C16orf96: variants seen among roughly 807,000 people sequenced by gnomAD.
C16orf96 encodes the protein chromosome 16 open reading frame 96, also known as uncharacterized protein C16orf96.
Under a neutral mutation model 103.6 loss-of-function variants are expected in C16orf96, and 108 were observed. The observed-to-expected ratio is 1.04, with a 90% CI of 0.89 to 1.22. The LOEUF (loss-of-function observed/expected upper bound fraction) is 1.22. C16orf96 is among the 50% of genes most tolerant of loss of function. C16orf96 has a pLI of 0.00. For synonymous variants in C16orf96, 566 were observed against 593.5 expected (o/e 0.95, Z 0.67); for missense variants, 1,586 against 1,464.2 (o/e 1.08, Z -1.36).
At chr16:4,567,433 G>A (rs1391644634) in intron 1 of C16orf96, among the ~76,000 whole-genome samples, 5 of 150,042 alleles carry the variant, frequency 3.3e-5, no homozygotes, top group East Asian at 2.0e-4. Flanking sequence ...ACACGTGCCC[G>A]CCACCACGCC....
At position 4,593,385 on chromosome 16, in the gene C16orf96, G is replaced by C; in HGVS notation, c.2867+69G>C. ...GGCCACTCTGGAGCCTGGGAACCCT[G>C]TTCCTGCAGAGACACATCCTCCAGG... is the stretch of plus-strand genomic sequence containing the variant. On this transcript the variant is annotated intron_variant, in intron 12 of 15. Coordinates refer to ENST00000444310, the MANE Select transcript of C16orf96 (RefSeq NM_001145011.2). The surrounding 1 kb of genome is among the most constrained non-coding windows in gnomAD (Gnocchi z 4.2). The C allele has an allele frequency of 1.4e-6, 2 of 1,412,306 alleles. No individual in the cohort carries two copies. Among genetic ancestry groups the C allele is most frequent in the Non-Finnish European group, 1.9e-6 (2 of 1,030,460 alleles). The allele number at this position is 1,412,306 out of a possible 1,614,324, so 87.5% of individuals were successfully genotyped here.
At chr16:4,549,203 G>T in the C16orf96 span, among the ~76,000 whole-genome samples, 1 of 152,048 alleles carries the variant, frequency 6.6e-6, no homozygotes, top group African/African-American at 2.4e-5. Flanking sequence ...GGCCGGGCGC[G>T]GTGGCTCACG....
the C16orf96 span, among the ~76,000 whole-genome samples, chr16:4,541,726 G>A: frequency 1.3e-5 from 2 of 152,306 alleles, no homozygotes; most frequent in South Asian, 2.1e-4. Context: ...ATTCCTCAGT[G>A]CAAGAAGGTG....
chr16:4,548,592 G>T, the C16orf96 span, among the ~76,000 whole-genome samples: 1 of 152,224 alleles, frequency 6.6e-6, no homozygotes, highest in Admixed American at 6.5e-5. Context: ...CAGGAGCTCA[G>T]CTGGGCGTGG....
chr16:4,555,847 C>T (rs2059258097), upstream of C16orf96, among the ~76,000 whole-genome samples: 1 of 151,752 alleles, frequency 6.6e-6, no homozygotes, highest in Non-Finnish European at 1.5e-5. Context: ...CAGATGTGCG[C>T]CAGCACATCC....
At chr16:4,598,138 G>A (rs1266741774) in intron 14 of C16orf96, among the ~76,000 whole-genome samples, 1 of 152,120 alleles carries the variant, frequency 6.6e-6, no homozygotes, top group Non-Finnish European at 1.5e-5. Context: ...GATCACTTGA[G>A]CCCAGAAGTT....
chr16:4,580,012 T>G lies in C16orf96; in HGVS notation c.2242-3T>G. 1 of 1,549,744 alleles carries G rather than the reference T, an allele frequency of 6.5e-7. No individual in the cohort carries two copies. The highest frequency in any genetic ancestry group is 1.2e-5 in the South Asian group (1 of 84,014). Reference sequence around the variant, plus strand: ...CTGGGGTGTCTGTGTCTCCCCCTTTTAGGAGGAAGAACTTGAGAGAATTTG... The same window carrying G: ...CTGGGGTGTCTGTGTCTCCCCCTTTGAGGAGGAAGAACTTGAGAGAATTTG... On this transcript the variant is annotated splice_region_variant and splice_polypyrimidine_tract_variant and intron_variant, in intron 6 of 15. Coordinates refer to ENST00000444310, the MANE Select transcript of C16orf96 (RefSeq NM_001145011.2).
intron 1 of C16orf96, chr16:4,563,045 G>T: frequency 1.1e-6 from 1 of 896,932 alleles, no homozygotes; most frequent in Non-Finnish European, 1.8e-6. Flanking sequence ...GTCAGAAGAT[G>T]ACAGAGCTCT....
intron 10 of C16orf96, 135 bp downstream of exon 10, chr16:4,591,919 C>T: frequency 1.3e-6 from 1 of 743,356 alleles, no homozygotes; most frequent in Non-Finnish European, 2.3e-6. Flanking sequence ...GCTGAAAGCA[C>T]TGAGGAGGAG....
intron 14 of C16orf96, among the ~76,000 whole-genome samples, chr16:4,598,308 G>A (rs993417390): frequency 1.3e-5 from 2 of 151,964 alleles, no homozygotes; most frequent in Non-Finnish European, 1.5e-5. Context: ...CCATGATTGC[G>A]CCACTGCACT....
intron 1 of C16orf96, among the ~76,000 whole-genome samples, chr16:4,565,409 A>G (rs2141701676): frequency 6.6e-6 from 1 of 152,354 alleles, no homozygotes; most frequent in African/African-American, 2.4e-5. Context: ...CATGTGAGAC[A>G]GCAGGTGGGT....
intron 11 of C16orf96, 138 bp downstream of exon 11, chr16:4,592,505 C>A: frequency 2.0e-6 from 2 of 983,256 alleles, no homozygotes; most frequent in Non-Finnish European, 3.1e-6. Flanking sequence ...CTCCAGCCAT[C>A]AAGTCCATAC....
At chr16:4,554,357 C>CTT (rs879445516), upstream of C16orf96, among the ~76,000 whole-genome samples, 1 of 145,782 alleles carries the variant, frequency 6.9e-6, no homozygotes. Flanking sequence ...TTTTCTTTTT[C>CTT]TTTTTTTTTT....
chr16:4,582,438 G>A (rs1237964166), intron 7 of C16orf96, among the ~76,000 whole-genome samples: 1 of 152,146 alleles, frequency 6.6e-6, no homozygotes, highest in Non-Finnish European at 1.5e-5. Context: ...GCGTATGGCT[G>A]ACCCCAAGGC....
At chr16:4,548,920 A>G in the C16orf96 span, among the ~76,000 whole-genome samples, 5 of 150,510 alleles carry the variant, frequency 3.3e-5, no homozygotes, top group Non-Finnish European at 7.4e-5. Context: ...CACTTTCTCT[A>G]TAACCAGTGC....
At chr16:4,579,222 G>A (rs1240811091) in intron 6 of C16orf96, among the ~76,000 whole-genome samples, 197 bp downstream of exon 6, 7 of 152,058 alleles carry the variant, frequency 4.6e-5, no homozygotes, top group African/African-American at 1.4e-4. Context: ...CCCAGCAGGT[G>A]TGGGGCTACA....
chr16:4,550,364 A>G, the C16orf96 span, among the ~76,000 whole-genome samples: 1 of 152,092 alleles, frequency 6.6e-6, no homozygotes, highest in Non-Finnish European at 1.5e-5. Context: ...AGATTACAGT[A>G]ATTTTTGTAA....
the C16orf96 span, among the ~76,000 whole-genome samples, chr16:4,541,552 C>CTG: frequency 6.6e-6 from 1 of 152,198 alleles, no homozygotes; most frequent in African/African-American, 2.4e-5. Flanking sequence ...CCAGCCTGGG[C>CTG]AACAGAGTGA....
At chr16:4,548,218 G>C in the C16orf96 span, among the ~76,000 whole-genome samples, 1 of 152,118 alleles carries the variant, frequency 6.6e-6, no homozygotes. Flanking sequence ...CAGATCAGGA[G>C]CCCACGGCTG....
Sources: gnomAD v4.1 joint callset for allele counts (sites outside exome capture counted in the v4.1 genomes callset) on GRCh38, gnomAD v4.1.1 for gene constraint, Gnocchi (gnomAD v3.1) non-coding constraint, MANE v1.5 for transcripts, NCBI Gene and HGNC (gene_info 2026-07-23, HGNC 2026-07-21) for gene names.